Variants in MAP7 observed in about 807,000 individuals in gnomAD.
The protein encoded by MAP7 is ensconsin.
A neutral mutation model predicts 94.8 loss-of-function variants in MAP7; 52 were observed. That is an observed-to-expected ratio of 0.55 (90% CI 0.44 to 0.69). MAP7 has a LOEUF of 0.69. Among genes scored for constraint, MAP7 ranks in the 30% least tolerant of loss-of-function variants. The pLI, the probability that MAP7 is intolerant of heterozygous loss-of-function variation, is 0.00. For missense variants in MAP7, 940 were observed against 964.6 expected (o/e 0.97, Z 0.34); for synonymous variants, 350 against 357.0 (o/e 0.98, Z 0.22).
At chr6:136,525,694 TA>T (rs1827624544) in intron 1 of MAP7, 4 of 853,770 alleles carry the variant, frequency 4.7e-6, no homozygotes, top group Non-Finnish European at 5.2e-6. Context: ...GTATAAACAC[TA>T]CCAGCAAACC....
intron 1 of MAP7, among the ~76,000 whole-genome samples, chr6:136,483,129 C>CAAAAAAAAAAAAAAA (rs57320038): frequency 1.2e-5 from 1 of 83,154 alleles, no homozygotes; most frequent in African/African-American, 3.7e-5. Context: ...AAGTATCTTT[C>CAAAAAAAAAAAAAAA]AAAAAAAAAA....
rs59002856 is a variant in MAP7, at chr6:136,434,306, C to CAA, written c.68-12509_68-12508dup. Among the ~76,000 whole-genome samples, 13 of 59,664 alleles carry CAA rather than the reference C, an allele frequency of 2.2e-4. No individual in the cohort carries two copies. In the East Asian group the frequency reaches 2.6e-3, roughly 12 times the overall value. The allele number at this position is 59,664 out of a possible 152,430, so 39.1% of individuals were successfully genotyped here. ...TGGGCAACAGAGCAAGACTCCGTCT[C>CAA]AAAAAAAAAAAAAAAAAAAGAACTC... On this transcript the variant is annotated intron_variant, in intron 1 of 17. Coordinates refer to ENST00000354570, the MANE Select transcript of MAP7 (RefSeq NM_003980.6).
intron 1 of MAP7, among the ~76,000 whole-genome samples, chr6:136,540,624 G>C (rs1252136221): frequency 1.3e-5 from 2 of 152,174 alleles, no homozygotes; most frequent in African/African-American, 4.8e-5. Flanking sequence ...ACTAGACTTA[G>C]GGCAATTGCT....
At chr6:136,393,458 C>T (rs1052059325) in intron 3 of MAP7, among the ~76,000 whole-genome samples, 1 of 152,094 alleles carries the variant, frequency 6.6e-6, no homozygotes, top group Non-Finnish European at 1.5e-5. Context: ...TAGGATGAGG[C>T]CCGGTAACTT....
intron 1 of MAP7, among the ~76,000 whole-genome samples, chr6:136,423,719 G>A (rs1449518274): frequency 2.8e-5 from 4 of 143,614 alleles, no homozygotes; most frequent in Admixed American, 2.7e-4. Context: ...AAGTAAATCT[G>A]AGCCTTAAAA....
chr6:136,537,321 C>A (rs1828967573), intron 1 of MAP7, among the ~76,000 whole-genome samples: 2 of 152,092 alleles, frequency 1.3e-5, no homozygotes, highest in African/African-American at 4.8e-5. Context: ...CCCTGTGAGG[C>A]CTCACTGGAT....
intron 1 of MAP7, among the ~76,000 whole-genome samples, chr6:136,456,072 G>A (rs1311350909): frequency 2.0e-5 from 3 of 152,128 alleles, no homozygotes; most frequent in Admixed American, 2.0e-4. Context: ...TTTAGTCTAA[G>A]ACAGTATTTA....
chr6:136,466,665 ATAAGTAT>A, intron 1 of MAP7: 1 of 1,211,608 alleles, frequency 8.3e-7, no homozygotes. Context: ...TCCACTTGTT[ATAAGTAT>A]TAATTTGTCA....
chr6:136,498,811 T>G (rs1482378212), intron 1 of MAP7, among the ~76,000 whole-genome samples: 3 of 151,654 alleles, frequency 2.0e-5, no homozygotes, highest in Non-Finnish European at 4.4e-5. Context: ...ATAAAGAAAT[T>G]TATAGGCATT....
chr6:136,467,858 G>GA (rs1807621039), intron 1 of MAP7, among the ~76,000 whole-genome samples: 1 of 152,096 alleles, frequency 6.6e-6, no homozygotes, highest in African/African-American at 2.4e-5. Flanking sequence ...ATTTTTAGAA[G>GA]AAAATAAAAC....
intron 12 of MAP7, 66 bp from the exon 13 acceptor site, chr6:136,360,864 GC>G: frequency 6.3e-7 from 1 of 1,580,506 alleles, no homozygotes. Flanking sequence ...CCCAGGGGGT[GC>G]CCAGAGGTGG....
chr6:136,456,901 A>G (rs1451562717), intron 1 of MAP7, among the ~76,000 whole-genome samples: 1 of 150,840 alleles, frequency 6.6e-6, no homozygotes, highest in Non-Finnish European at 1.5e-5. Context: ...AAAACATTAT[A>G]CCACCAAAGA....
chr6:136,424,906 G>A (rs540250164), intron 1 of MAP7, among the ~76,000 whole-genome samples: 1 of 152,306 alleles, frequency 6.6e-6, no homozygotes, highest in South Asian at 2.1e-4. Context: ...ATAAAATCTG[G>A]AATGTGGGCT....
At chr6:136,438,623 G>A (rs1327299064) in intron 1 of MAP7, among the ~76,000 whole-genome samples, 2 of 152,096 alleles carry the variant, frequency 1.3e-5, no homozygotes, top group East Asian at 1.9e-4. Flanking sequence ...GTTCAGCCAC[G>A]CGTGGGCAAG....
intron 1 of MAP7, among the ~76,000 whole-genome samples, chr6:136,442,780 T>C (rs1325888762): frequency 6.6e-6 from 1 of 152,204 alleles, no homozygotes; most frequent in Non-Finnish European, 1.5e-5. Flanking sequence ...GTTGATGGGC[T>C]TCAGCCATCC....
At chr6:136,489,011 T>C (rs1211699575) in intron 1 of MAP7, among the ~76,000 whole-genome samples, 1 of 152,068 alleles carries the variant, frequency 6.6e-6, no homozygotes, top group Non-Finnish European at 1.5e-5. Flanking sequence ...CAAGCAATCC[T>C]CCCAAGCAGC....
chr6:136,507,917 C>A (rs974772262), intron 1 of MAP7, among the ~76,000 whole-genome samples: 1 of 152,202 alleles, frequency 6.6e-6, no homozygotes, highest in Non-Finnish European at 1.5e-5. Context: ...CAAGACACCA[C>A]AACACACTGC....
At chr6:136,486,368 C>A (rs550633246) in intron 1 of MAP7, among the ~76,000 whole-genome samples, 7 of 152,182 alleles carry the variant, frequency 4.6e-5, no homozygotes, top group Admixed American at 1.3e-4. Flanking sequence ...AGGCTCCCTG[C>A]AAACAGGAGA....
intron 1 of MAP7, among the ~76,000 whole-genome samples, chr6:136,492,615 T>A (rs565061546): frequency 6.6e-6 from 1 of 152,320 alleles, no homozygotes; most frequent in Non-Finnish European, 1.5e-5. Context: ...CTGAGCTGCA[T>A]CAGTAGGGTT....
Sources: gnomAD v4.1 joint callset for allele counts (sites outside exome capture counted in the v4.1 genomes callset) on GRCh38, gnomAD v4.1.1 for gene constraint, MANE v1.5 for transcripts, NCBI Gene and HGNC (gene_info 2026-07-23, HGNC 2026-07-21) for gene names.